Variants in BCKDHB observed in about 807,000 individuals in gnomAD.
BCKDHB encodes branched chain keto acid dehydrogenase E1 subunit beta.
Under a neutral mutation model 48.5 loss-of-function variants are expected in BCKDHB, and 41 were observed. The observed-to-expected ratio is 0.85, with a 90% CI of 0.66 to 1.10. The LOEUF is 1.10. Among genes scored for constraint, BCKDHB ranks in the 50% least tolerant of loss-of-function variants. The probability of loss-of-function intolerance (pLI) is 0.00; values close to 1 mark genes in which losing one functional copy is unlikely to be tolerated. For synonymous variants in BCKDHB, 201 were observed against 174.8 expected (o/e 1.15, Z -1.18); for missense variants, 496 against 494.2 (o/e 1.00, Z -0.03).
chr6:80,421,303 C>T, the BCKDHB span, among the ~76,000 whole-genome samples: 5 of 152,124 alleles, frequency 3.3e-5, no homozygotes, highest in African/African-American at 9.7e-5. Flanking sequence ...CCTCCCCAGC[C>T]GTGCAGAACT....
At chr6:80,327,407 A>C (rs1482679308) in intron 9 of BCKDHB, among the ~76,000 whole-genome samples, 3 of 152,236 alleles carry the variant, frequency 2.0e-5, no homozygotes, top group African/African-American at 4.8e-5. Context: ...TTGTAAAATC[A>C]AAAAATTTTT....
chr6:80,354,831 CTG>C, the BCKDHB span, among the ~76,000 whole-genome samples: 2 of 152,162 alleles, frequency 1.3e-5, no homozygotes, highest in South Asian at 4.2e-4. Context: ...GATCTTATGT[CTG>C]TGTTATCTAT....
At chr6:80,226,125 G>T (rs1775666336) in intron 8 of BCKDHB, among the ~76,000 whole-genome samples, 1 of 152,154 alleles carries the variant, frequency 6.6e-6, no homozygotes, top group Non-Finnish European at 1.5e-5. Flanking sequence ...AGTTTTGATG[G>T]TATCTATTTT....
intron 1 of BCKDHB, among the ~76,000 whole-genome samples, chr6:80,124,655 C>T (rs1197709681): frequency 6.6e-6 from 1 of 152,092 alleles, no homozygotes; most frequent in Non-Finnish European, 1.5e-5. Flanking sequence ...TTCTTTGTCT[C>T]TTTTGATCTG....
chr6:80,323,529 C>T (rs1768858908), intron 9 of BCKDHB, among the ~76,000 whole-genome samples: 1 of 152,100 alleles, frequency 6.6e-6, no homozygotes, highest in African/African-American at 2.4e-5. Context: ...AGCGTATAGA[C>T]CAATTCAAAC....
chr6:80,309,740 A>C (rs1234961105), intron 9 of BCKDHB, among the ~76,000 whole-genome samples: 1 of 152,160 alleles, frequency 6.6e-6, no homozygotes, highest in Admixed American at 6.5e-5. Context: ...ATCGGGGTAC[A>C]TGTGTAGGTT....
intron 1 of BCKDHB, among the ~76,000 whole-genome samples, chr6:80,111,482 T>C (rs1410266516): frequency 1.3e-5 from 2 of 152,206 alleles, no homozygotes; most frequent in Admixed American, 1.3e-4. Context: ...GGGCTTAATA[T>C]AGTCCTTTAT....
intron 3 of BCKDHB, among the ~76,000 whole-genome samples, chr6:80,145,004 T>A: frequency 6.6e-6 from 1 of 152,198 alleles, no homozygotes; most frequent in Non-Finnish European, 1.5e-5. Flanking sequence ...GGCAGCGTTC[T>A]TTCTGAGAGT....
At chr6:80,424,660 T>C in the BCKDHB span, among the ~76,000 whole-genome samples, 5 of 152,220 alleles carry the variant, frequency 3.3e-5, no homozygotes, top group African/African-American at 4.8e-5. Context: ...TAGTGATACA[T>C]TGACACCTCA....
the BCKDHB span, among the ~76,000 whole-genome samples, chr6:80,424,308 A>C: frequency 6.6e-6 from 1 of 152,304 alleles, no homozygotes; most frequent in South Asian, 2.1e-4. Flanking sequence ...TTTAAACTTC[A>C]AAGCACGCTT....
intron 3 of BCKDHB, among the ~76,000 whole-genome samples, chr6:80,160,374 T>G (rs898194537): frequency 2.0e-5 from 3 of 152,146 alleles, no homozygotes; most frequent in Non-Finnish European, 4.4e-5. Context: ...GCCAGGCTGG[T>G]TTCGAACTCC....
intron 8 of BCKDHB, chr6:80,251,578 A>G (rs577888418): frequency 1.1e-4 from 16 of 152,296 alleles, no homozygotes; most frequent in Admixed American, 9.8e-4. Flanking sequence ...CCATATGTTT[A>G]TTGTATAAAC....
intron 8 of BCKDHB, among the ~76,000 whole-genome samples, chr6:80,204,741 A>G (rs566512135): frequency 1.2e-4 from 19 of 152,232 alleles, no homozygotes; most frequent in Admixed American, 3.3e-4. Flanking sequence ...CAAGTATACT[A>G]ATACTTCATT....
At chr6:80,387,689 C>G in the BCKDHB span, among the ~76,000 whole-genome samples, 1 of 152,244 alleles carries the variant, frequency 6.6e-6, no homozygotes, top group Non-Finnish European at 1.5e-5. Context: ...TTAGGCCCAC[C>G]AGAAGCAATT....
rs1770050379 is a variant in BCKDHB at position 80,343,903 on chromosome 6, A to G, written c.*99A>G. 1 of 1,474,602 alleles carries G rather than the reference A, an allele frequency of 6.8e-7. No homozygotes were observed. Among genetic ancestry groups the G allele is most frequent in the Non-Finnish European group, 9.5e-7 (1 of 1,056,376 alleles). The allele number at this position is 1,474,602 out of a possible 1,614,324, so 91.3% of individuals were successfully genotyped here. A position where few individuals can be genotyped will look rare whatever the true frequency, so the allele number is the denominator to read the frequency against. On this transcript the variant is annotated 3_prime_UTR_variant, in exon 10 of 10. Coordinates refer to ENST00000320393, the MANE Select transcript of BCKDHB (RefSeq NM_183050.4). The stretch of plus-strand genomic sequence containing the variant: ...AGCAATCATCAGTGTTTTGATGGTA[A>G]CAAACTTTGATGGTAAAGTTGGTAA...
chr6:80,453,172 C>T, the BCKDHB span: 1 of 152,148 alleles, frequency 6.6e-6, no homozygotes, highest in Admixed American at 6.5e-5. Context: ...ACTGGGGGCT[C>T]TGCTCATTAT....
At chr6:80,178,768 G>A (rs1465638146) in intron 6 of BCKDHB, among the ~76,000 whole-genome samples, 1 of 152,192 alleles carries the variant, frequency 6.6e-6, no homozygotes, top group Admixed American at 6.5e-5. Context: ...CCAGGATTGG[G>A]CATGTTTGGC....
the BCKDHB span, among the ~76,000 whole-genome samples, chr6:80,445,628 A>G: frequency 6.6e-6 from 1 of 152,198 alleles, no homozygotes; most frequent in Non-Finnish European, 1.5e-5. Context: ...AGGAGAATAT[A>G]CCTAAAGTAT....
the BCKDHB span, among the ~76,000 whole-genome samples, chr6:80,422,659 G>C: frequency 6.6e-6 from 1 of 152,178 alleles, no homozygotes; most frequent in Admixed American, 6.5e-5. Flanking sequence ...TGTGAGACAT[G>C]GAGTCAAAGG....
Sources: allele counts gnomAD v4.1 joint callset (sites outside exome capture counted in the v4.1 genomes callset), GRCh38; gene constraint gnomAD v4.1.1; transcripts MANE v1.5; gene names NCBI Gene and HGNC (gene_info 2026-07-23, HGNC 2026-07-21).